CIT: variants seen among roughly 807,000 people sequenced by gnomAD.
CIT encodes the protein citron rho-interacting serine/threonine kinase.
CIT carries 79 observed loss-of-function variants against 272.7 expected under a neutral mutation model. The observed-to-expected ratio is 0.29, with a 90% CI of 0.24 to 0.35. The LOEUF (loss-of-function observed/expected upper bound fraction) is 0.35. CIT is among the 10% of genes least tolerant of loss of function. CIT has a pLI of 1.00. For missense variants in CIT, 1,909 were observed against 2,618.3 expected (o/e 0.73, Z 5.91); for synonymous variants, 948 against 995.6 (o/e 0.95, Z 0.90).
Position 119,793,825 on chromosome 12 carries a change from T to C in CIT, c.1296-8760A>G, listed in dbSNP as rs568562318. Among the ~76,000 whole-genome samples, 3 of 152,352 alleles carry C rather than the reference T, an allele frequency of 2.0e-5. No individual in the cohort carries two copies. In the East Asian group the frequency reaches 5.8e-4, roughly 29 times the overall value. ...TGCCTAGAAAGTGCTTGGCACATAG[T>C]AGGCTCTCAAATAGCTGAATGAATT... is the stretch of plus-strand genomic sequence containing the variant. On this transcript the variant is annotated intron_variant, in intron 10 of 47. Coordinates refer to ENST00000392521, the MANE Select transcript of CIT (RefSeq NM_001206999.2).
chr12:119,828,933 A>G (rs1406606030), intron 7 of CIT, among the ~76,000 whole-genome samples: 3 of 151,952 alleles, frequency 2.0e-5, no homozygotes, highest in Non-Finnish European at 2.9e-5. Flanking sequence ...CTATATGAGA[A>G]TGACTAGGGG....
At chr12:119,840,072 T>C (rs1412539547) in intron 5 of CIT, among the ~76,000 whole-genome samples, 1 of 152,082 alleles carries the variant, frequency 6.6e-6, no homozygotes, top group Non-Finnish European at 1.5e-5. Flanking sequence ...ATGCCGGCAT[T>C]TGGGGAGGCT....
Position 119,854,905 on chromosome 12 carries a change from G to A in CIT, c.414+2618C>T, listed in dbSNP as rs749787005. On this transcript the variant is annotated intron_variant, in intron 4 of 47. Transcript: ENST00000392521. The stretch of plus-strand genomic sequence containing the variant: ...GGCGGGGTTGCAGTGAGCCGAGATC[G>A]TGCCACTGCACCTCTAGCCTGGGCA... Among the ~76,000 whole-genome samples, 51 of 152,206 alleles carry A rather than the reference G, an allele frequency of 3.4e-4. 1 individual carries two copies. Among genetic ancestry groups the A allele is most frequent in the African/African-American group, 3.9e-4 (16 of 41,548 alleles).
At chr12:119,706,263 C>A (rs553959984) in intron 40 of CIT, among the ~76,000 whole-genome samples, 2 of 152,148 alleles carry the variant, frequency 1.3e-5, no homozygotes, top group African/African-American at 4.8e-5. Flanking sequence ...TGTATATATA[C>A]CCGCAAACAC....
At chr12:119,847,236 G>A (rs565900681) in intron 5 of CIT, among the ~76,000 whole-genome samples, 15 of 152,114 alleles carry the variant, frequency 9.9e-5, no homozygotes, top group Middle Eastern at 3.4e-3. Flanking sequence ...TGCCCACCTC[G>A]GCCTCCCAAA....
At chr12:119,853,214 C>T (rs1169273313) in intron 4 of CIT, among the ~76,000 whole-genome samples, 1 of 151,384 alleles carries the variant, frequency 6.6e-6, no homozygotes, top group Admixed American at 6.6e-5. Context: ...GTAATCAATC[C>T]CACCTACTCA....
chr12:119,801,526 T>C (rs932865750), intron 10 of CIT, among the ~76,000 whole-genome samples: 2 of 152,200 alleles, frequency 1.3e-5, no homozygotes. Flanking sequence ...TTCAGATCAC[T>C]GACCAACACC....
In CIT at chr12:119,758,119, A is replaced by C. The variant is rs185339485; in HGVS notation, c.2531+472T>G. 5.3e-5 allele frequency among the ~76,000 whole-genome samples: 8 copies of C among 151,722 alleles called. No homozygotes were observed. The East Asian group carries it at 1.5e-3, about 29-fold the overall frequency. Reference sequence around the variant, plus strand: ...CTCTGAAGAGAGAAACCTAAGGGGGAAAAAAATCCTGGAGATTCTAATTCT... The same window carrying C: ...CTCTGAAGAGAGAAACCTAAGGGGGCAAAAAATCCTGGAGATTCTAATTCT... On this transcript the variant is annotated intron_variant, in intron 21 of 47. Transcript: ENST00000392521.
intron 3 of CIT, among the ~76,000 whole-genome samples, chr12:119,863,560 C>G (rs1950428341): frequency 1.3e-5 from 2 of 151,910 alleles, no homozygotes; most frequent in South Asian, 4.1e-4. Context: ...CGGAGTCTTA[C>G]TCTGTTGCCA....
At chr12:119,789,908 G>T (rs1458381908) in intron 10 of CIT, among the ~76,000 whole-genome samples, 1 of 151,374 alleles carries the variant, frequency 6.6e-6, no homozygotes, top group African/African-American at 2.4e-5. Flanking sequence ...TACAGATGGG[G>T]TTTCACCATG....
chr12:119,815,262 G>A (rs745710381), intron 9 of CIT, among the ~76,000 whole-genome samples: 2 of 151,672 alleles, frequency 1.3e-5, no homozygotes, highest in Non-Finnish European at 2.9e-5. Context: ...GCCATAAGGG[G>A]TTTTCATTTG....
chr12:119,714,926 C>T (rs528251621), intron 32 of CIT, among the ~76,000 whole-genome samples: 28 of 152,316 alleles, frequency 1.8e-4, no homozygotes, highest in African/African-American at 6.7e-4. Flanking sequence ...GTGAAAACAA[C>T]ACAAATGTCC....
intron 3 of CIT, among the ~76,000 whole-genome samples, chr12:119,862,307 G>A (rs1231035209): frequency 6.6e-6 from 1 of 152,142 alleles, no homozygotes; most frequent in African/African-American, 2.4e-5. Flanking sequence ...CTTGGGGTAC[G>A]TTTTTAAATT....
At chr12:119,727,922 C>CA (rs113396996) in intron 28 of CIT, among the ~76,000 whole-genome samples, 3,778 of 128,330 alleles carry the variant, frequency 0.029, 142 homozygotes, top group African/African-American at 0.09. Flanking sequence ...AGAGCAAGAC[C>CA]AAAAAAAAAA....
chr12:119,798,183 C>CA (rs1965899413), intron 10 of CIT, among the ~76,000 whole-genome samples: 1 of 152,152 alleles, frequency 6.6e-6, no homozygotes, highest in Non-Finnish European at 1.5e-5. Context: ...TCAATAAACA[C>CA]AGAGACTGAA....
intron 18 of CIT, 80 bp from the exon 19 acceptor site, chr12:119,767,262 G>T: frequency 8.8e-7 from 1 of 1,132,828 alleles, no homozygotes; most frequent in Non-Finnish European, 1.3e-6. Flanking sequence ...CAGGAAACAT[G>T]ACTTTGGTAC....
At chr12:119,865,070 G>A (rs866689382) in intron 3 of CIT, among the ~76,000 whole-genome samples, 30 of 152,128 alleles carry the variant, frequency 2.0e-4, no homozygotes, top group African/African-American at 7.2e-4. Flanking sequence ...AAAAAGGGGA[G>A]GAATAGAAAA....
intron 5 of CIT, among the ~76,000 whole-genome samples, chr12:119,838,293 G>C (rs983645388): frequency 3.2e-4 from 49 of 152,202 alleles, no homozygotes; most frequent in African/African-American, 1.1e-3. Context: ...GGCCAGTCTC[G>C]AACTCCTGAC....
chr12:119,802,557 G>A (rs189604705), intron 10 of CIT, among the ~76,000 whole-genome samples: 35 of 151,940 alleles, frequency 2.3e-4, no homozygotes, highest in Admixed American at 1.0e-3. Context: ...TCAATGACTC[G>A]GCTACATCAC....
Sources: allele counts gnomAD v4.1 joint callset (sites outside exome capture counted in the v4.1 genomes callset), GRCh38; gene constraint gnomAD v4.1.1; transcripts MANE v1.5; gene names NCBI Gene and HGNC (gene_info 2026-07-23, HGNC 2026-07-21).